Variants in OR13D1 observed in about 807,000 individuals in gnomAD.
OR13D1 encodes the protein olfactory receptor 13D1.
For missense variants in OR13D1, 353 were observed against 371.9 expected, an observed-to-expected ratio of 0.95 and a Z score of 0.42; for synonymous variants, 125 against 140.2, an observed-to-expected ratio of 0.89 and a Z score of 0.76.
Position 104,695,305 on chromosome 9 carries a change from A to C in OR13D1, c.788A>C (p.Lys263Thr). 1 of 1,613,976 alleles carries C rather than the reference A, an allele frequency of 6.2e-7. No homozygotes were observed. Among genetic ancestry groups the C allele is most frequent in the Non-Finnish European group, 8.5e-7 (1 of 1,179,986 alleles). ...GSALFMYMKP[K>T]SKNTNTSDEI... is the part of the protein sequence containing the mutation. ...GCCCTTTTTATGTACATGAAACCCAAGTCAAAGAACACTAATACATCTGAT... is the reference window on the plus strand; with the variant it reads ...GCCCTTTTTATGTACATGAAACCCACGTCAAAGAACACTAATACATCTGAT... Residue 263 changes from lysine to threonine, a missense_variant, in exon 1 of 1, where the codon AAG becomes ACG. Physicochemically the swap from Lys to Thr is moderately conservative, Grantham distance 78. Transcript: ENST00000641530.
Position 104,695,130 on chromosome 9 carries a change from G to C in OR13D1, c.613G>C (p.Val205Leu). Residue 205 changes from valine (V) to leucine (L), a missense_variant, in exon 1 of 1, where the codon GTT (valine) becomes CTT (leucine). Val to Leu is a conservative substitution (Grantham distance 32). Transcript: ENST00000641530. ...GCTTATCATGACAGTGACAAATATT[G>C]TTTCACTGGTGATTCTTCTACTGTT... ...NVLIMTVTNIVSLVILLLLIF... is the reference protein window; with the variant it reads ...NVLIMTVTNILSLVILLLLIF... 1 of 1,612,598 alleles carries C rather than the reference G, an allele frequency of 6.2e-7. No individual in the cohort carries two copies. Among genetic ancestry groups the C allele is most frequent in the Middle Eastern group, 1.7e-4 (1 of 6,060 alleles).
rs143393235 is a variant in OR13D1 at position 104,694,929 on chromosome 9, G to C, written c.412G>C (p.Gly138Arg). ...NPLRYSIIMN[G>R]VLYVQMAAWS... Reference sequence around the variant, plus strand: ...ACTGAGGTACTCCATCATCATGAACGGAGTGCTGTATGTGCAAATGGCTGC... The same window carrying C: ...ACTGAGGTACTCCATCATCATGAACCGAGTGCTGTATGTGCAAATGGCTGC... Residue 138 changes from glycine (G) to arginine (R), a missense_variant, in exon 1 of 1, where the codon GGA becomes CGA. Transcript: ENST00000641530. 1.8e-4 allele frequency: 286 copies of C among 1,613,976 alleles called. No homozygotes were observed. The highest frequency in any genetic ancestry group is 2.4e-4 in the Non-Finnish European group (283 of 1,180,026).
rs771035298 is a variant in OR13D1 at position 104,695,460 on chromosome 9, T to C, written c.943T>C (p.Ter315ArgextTer?). ...LSRHLHLLKM* is the reference protein window; with the variant it reads ...LSRHLHLLKMR ...CAGACATCTGCATTTATTGAAAATG[T>C]GAAAAACCTTGGGCATGCGATATCC... The change falls in exon 1 of 1, where the codon TGA (stop) becomes CGA (arginine). Residue 315 changes from the stop codon to arginine (R), a stop_lost. Transcript: ENST00000641530. 1.3e-6 allele frequency: 2 copies of C among 1,535,762 alleles called. No homozygotes were observed. The highest frequency in any genetic ancestry group is 4.5e-5 in the East Asian group (2 of 44,272).
In OR13D1 at chr9:104,695,251, C is replaced by T. The variant is rs10761073; in HGVS notation, c.734C>T (p.Ser245Leu). 923,807 of 1,612,188 alleles carry T rather than the reference C, an allele frequency of 0.57. 274,679 individuals are homozygous for T. Among genetic ancestry groups the T allele is most frequent in the East Asian group, 1 (44,705 of 44,860 alleles). The change falls in exon 1 of 1, where the codon TCG becomes TTG. Residue 245 changes from serine to leucine, a missense_variant. By Grantham distance (145) the Ser-to-Leu change is moderately radical. Coordinates refer to ENST00000641530, the MANE Select transcript of OR13D1 (RefSeq NM_001004484.2). ...KKAFSTCSAHSIVVILFYGSA... is the reference protein window; with the variant it reads ...KKAFSTCSAHLIVVILFYGSA... ...GCCTTCTCTACCTGTTCAGCGCACT[C>T]GATTGTGGTCATCTTATTCTACGGT...
In OR13D1 at chr9:104,694,882, A is replaced by G. The variant is rs763717160; in HGVS notation, c.365A>G (p.His122Arg). Residue 122 changes from histidine (H) to arginine (R), a missense_variant, in exon 1 of 1, where the codon CAC (histidine) becomes CGC (arginine). By Grantham distance (29) the His-to-Arg change is conservative. Transcript: ENST00000641530. ...CVLLAVMAYD[H>R]YVAICNPLRY... ...CTCCTGGCTGTGATGGCCTATGACCACTATGTGGCCATCTGCAACCCACTG... is the reference window on the plus strand; with the variant it reads ...CTCCTGGCTGTGATGGCCTATGACCGCTATGTGGCCATCTGCAACCCACTG... 59 of 1,613,976 alleles carry G rather than the reference A, an allele frequency of 3.7e-5. No individual in the cohort carries two copies. The highest frequency in any genetic ancestry group is 1.6e-4 in the African/African-American group (12 of 74,918).
At position 104,694,911 on chromosome 9, in the gene OR13D1, T is replaced by A. The variant is rs999832236; in HGVS notation, c.394T>A (p.Tyr132Asn). 31 of 1,614,022 alleles carry A rather than the reference T, an allele frequency of 1.9e-5. No homozygotes were observed. Among genetic ancestry groups the A allele is most frequent in the Non-Finnish European group, 2.6e-5 (31 of 1,179,982 alleles). The change falls in exon 1 of 1, where the codon TAC (tyrosine) becomes AAC (asparagine). Residue 132 changes from tyrosine (Y) to asparagine (N), a missense_variant. Transcript: ENST00000641530. ...HYVAICNPLR[Y>N]SIIMNGVLYV... The stretch of plus-strand genomic sequence containing the variant: ...TGTGGCCATCTGCAACCCACTGAGG[T>A]ACTCCATCATCATGAACGGAGTGCT...
At position 104,695,196 on chromosome 9, in the gene OR13D1, A is replaced by G; in HGVS notation, c.679A>G (p.Arg227Gly). ...TGTGTTTATTCTCTCTTCCATCCTG[A>G]GAATTAATTGTGCTGAGGGAAGAAA... ...SYVFILSSIL[R>G]INCAEGRKKA... The change falls in exon 1 of 1, where the codon AGA becomes GGA. Residue 227 changes from arginine (R) to glycine (G), a missense_variant. Transcript: ENST00000641530. 6.2e-7 allele frequency: 1 copy of G among 1,613,868 alleles called. No homozygotes were observed. Among genetic ancestry groups the G allele is most frequent in the Non-Finnish European group, 8.5e-7 (1 of 1,179,804 alleles).
rs1375597140 is a variant in OR13D1 at position 104,694,701 on chromosome 9, T to C, written c.184T>C (p.Phe62Leu). 1.2e-6 allele frequency: 2 copies of C among 1,614,200 alleles called. No individual in the cohort carries two copies. Among genetic ancestry groups the C allele is most frequent in the Non-Finnish European group, 1.7e-6 (2 of 1,180,024 alleles). The part of the protein sequence containing the change: ...DSRLHTPMYF[F>L]LGNLSFLDIC... ...TCGCCTCCATACTCCCATGTATTTC[T>C]TTCTTGGAAACCTCTCATTCTTGGA... Residue 62 changes from phenylalanine to leucine, a missense_variant, in exon 1 of 1, where the codon TTT becomes CTT. Physicochemically the swap from Phe to Leu is conservative, Grantham distance 22 (BLOSUM62 0). Transcript: ENST00000641530.
chr9:104,695,249 C>T lies in OR13D1; in HGVS notation c.732C>T (p.His244=), dbSNP rs1308414686. ...AAGCCTTCTCTACCTGTTCAGCGCA[C>T]TCGATTGTGGTCATCTTATTCTACG... ...RKKAFSTCSA[H]SIVVILFYGS... The change falls in exon 1 of 1, where the codon CAC becomes CAT. Residue 244 remains histidine, a synonymous_variant. Transcript: ENST00000641530. 1 of 1,613,538 alleles carries T rather than the reference C, an allele frequency of 6.2e-7. No individual in the cohort carries two copies. Among genetic ancestry groups the T allele is most frequent in the Non-Finnish European group, 8.5e-7 (1 of 1,179,640 alleles).
Position 104,695,104 on chromosome 9 carries a change from T to G in OR13D1, c.587T>G (p.Val196Gly). ...GTTTGTTCAGATATCACCATCAATGTGCTTATCATGACAGTGACAAATATT... is the reference window on the plus strand; with the variant it reads ...GTTTGTTCAGATATCACCATCAATGGGCTTATCATGACAGTGACAAATATT... Reference protein sequence around the residue: ...KLVCSDITINVLIMTVTNIVS... With the variant: ...KLVCSDITINGLIMTVTNIVS... Residue 196 changes from valine to glycine, a missense_variant, in exon 1 of 1, where the codon GTG (valine) becomes GGG (glycine). By Grantham distance (109) the Val-to-Gly change is moderately radical. Transcript: ENST00000641530. 1 of 1,613,816 alleles carries G rather than the reference T, an allele frequency of 6.2e-7. No individual in the cohort carries two copies. The highest frequency in any genetic ancestry group is 8.5e-7 in the Non-Finnish European group (1 of 1,179,690).
Position 104,694,777 on chromosome 9 carries a change from C to A in OR13D1, c.260C>A (p.Ser87Tyr), listed in dbSNP as rs1284551483. ...CCTCCAATGCTTATTATATTTATGT[C>A]TGAGAGAAAATCCATCTCCTTCATT... ...SIPPMLIIFM[S>Y]ERKSISFIGC... The change falls in exon 1 of 1, where the codon TCT (serine) becomes TAT (tyrosine). Residue 87 changes from serine (S) to tyrosine (Y), a missense_variant. Physicochemically the swap from Ser to Tyr is moderately radical, Grantham distance 144 (BLOSUM62 -2). Transcript: ENST00000641530. The A allele has an allele frequency of 1.2e-6, 2 of 1,614,082 alleles. No individual in the cohort carries two copies. The highest frequency in any genetic ancestry group is 1.1e-5 in the South Asian group (1 of 91,078).
In OR13D1 at chr9:104,695,269, T is replaced by C. The variant is rs751820373; in HGVS notation, c.752T>C (p.Phe251Ser). The change falls in exon 1 of 1, where the codon TTC becomes TCC. Residue 251 changes from phenylalanine (F) to serine (S), a missense_variant. Coordinates refer to ENST00000641530, the MANE Select transcript of OR13D1 (RefSeq NM_001004484.2). ...GCGCACTCGATTGTGGTCATCTTATTCTACGGTTCAGCCCTTTTTATGTAC... is the reference window on the plus strand; with the variant it reads ...GCGCACTCGATTGTGGTCATCTTATCCTACGGTTCAGCCCTTTTTATGTAC... ...CSAHSIVVIL[F>S]YGSALFMYMK... 1.9e-6 allele frequency: 3 copies of C among 1,613,592 alleles called. No individual in the cohort carries two copies. In the Admixed American group the frequency reaches 5.0e-5, roughly 27 times the overall value.
In OR13D1 at chr9:104,694,863, G is replaced by A; in HGVS notation, c.346G>A (p.Ala116Thr). The A allele has an allele frequency of 6.2e-7, 1 of 1,614,124 alleles. No individual in the cohort carries two copies. Among genetic ancestry groups the A allele is most frequent in the South Asian group, 1.1e-5 (1 of 91,082 alleles). Reference protein sequence around the residue: ...GLGSTECVLLAVMAYDHYVAI... With the variant: ...GLGSTECVLLTVMAYDHYVAI... ...GGGCTCCACTGAGTGTGTCCTCCTG[G>A]CTGTGATGGCCTATGACCACTATGT... is the stretch of plus-strand genomic sequence containing the variant. Residue 116 changes from alanine (A) to threonine (T), a missense_variant, in exon 1 of 1, where the codon GCT (alanine) becomes ACT (threonine). By Grantham distance (58) the Ala-to-Thr change is moderately conservative. Coordinates refer to ENST00000641530, the MANE Select transcript of OR13D1 (RefSeq NM_001004484.2).
At position 104,695,138 on chromosome 9, in the gene OR13D1, G is replaced by T. The variant is rs970580359; in HGVS notation, c.621G>T (p.Leu207=). ...LIMTVTNIVS[L]VILLLLIFIS... ...TGACAGTGACAAATATTGTTTCACT[G>T]GTGATTCTTCTACTGTTAATTTTCA... Residue 207 remains leucine, a synonymous_variant, in exon 1 of 1, where the codon CTG becomes CTT. Coordinates refer to ENST00000641530, the MANE Select transcript of OR13D1 (RefSeq NM_001004484.2). 6.2e-6 allele frequency: 10 copies of T among 1,613,190 alleles called. No individual in the cohort carries two copies. The highest frequency in any genetic ancestry group is 1.3e-5 in the African/African-American group (1 of 74,862).
chr9:104,695,262 A>C lies in OR13D1; in HGVS notation c.745A>C (p.Ile249Leu). Residue 249 changes from isoleucine (I) to leucine (L), a missense_variant, in exon 1 of 1, where the codon ATC (isoleucine) becomes CTC (leucine). Ile to Leu is a conservative substitution (Grantham distance 5). Coordinates refer to ENST00000641530, the MANE Select transcript of OR13D1 (RefSeq NM_001004484.2). ...STCSAHSIVV[I>L]LFYGSALFMY... ...CTGTTCAGCGCACTCGATTGTGGTC[A>C]TCTTATTCTACGGTTCAGCCCTTTT... 1 of 1,613,676 alleles carries C rather than the reference A, an allele frequency of 6.2e-7. No individual in the cohort carries two copies. Among genetic ancestry groups the C allele is most frequent in the Non-Finnish European group, 8.5e-7 (1 of 1,179,856 alleles).
chr9:104,695,275 G>GTGAA lies in OR13D1; in HGVS notation c.759_760insGAAT (p.Ser254GlufsTer16), dbSNP rs113720443. ...TCGATTGTGGTCATCTTATTCTACG[G>GTGAA]TTCAGCCCTTTTTATGTACATGAAA... On this transcript the variant is annotated frameshift_variant, in exon 1 of 1. Coordinates refer to ENST00000641530, the MANE Select transcript of OR13D1 (RefSeq NM_001004484.2). LOFTEE classifies it low-confidence loss of function (END_TRUNC). 4,620 of 1,613,662 alleles carry GTGAA rather than the reference G, an allele frequency of 2.9e-3. 111 individuals are homozygous for GTGAA. In the African/African-American group the frequency reaches 0.049, roughly 17 times the overall value.
chr9:104,695,252 G>T lies in OR13D1; in HGVS notation c.735G>T (p.Ser245=). The T allele has an allele frequency of 6.2e-7, 1 of 1,613,594 alleles. No homozygotes were observed. Among genetic ancestry groups the T allele is most frequent in the African/African-American group, 1.3e-5 (1 of 74,960 alleles). Residue 245 remains serine, a synonymous_variant, in exon 1 of 1, where the codon TCG becomes TCT. Transcript: ENST00000641530. ...CCTTCTCTACCTGTTCAGCGCACTC[G>T]ATTGTGGTCATCTTATTCTACGGTT... ...KKAFSTCSAH[S]IVVILFYGSA...
In OR13D1 at chr9:104,694,848, G is replaced by A. The variant is rs774997249; in HGVS notation, c.331G>A (p.Glu111Lys). The A allele has an allele frequency of 1.4e-5, 22 of 1,614,050 alleles. No individual in the cohort carries two copies. Among genetic ancestry groups the A allele is most frequent in the Admixed American group, 1.7e-5 (1 of 59,996 alleles). ...MVVSLGLGSTECVLLAVMAYD... is the reference protein window; with the variant it reads ...MVVSLGLGSTKCVLLAVMAYD... ...TGTGTCCCTTGGCTTGGGCTCCACT[G>A]AGTGTGTCCTCCTGGCTGTGATGGC... The change falls in exon 1 of 1, where the codon GAG becomes AAG. Residue 111 changes from glutamate to lysine, a missense_variant. Transcript: ENST00000641530.
rs56017313 is a variant in OR13D1 at position 104,694,647 on chromosome 9, C to T, written c.130C>T (p.Leu44Phe). The T allele has an allele frequency of 1.7e-3, 2,818 of 1,613,838 alleles. 5 individuals are homozygous for T. The highest frequency in any genetic ancestry group is 2.3e-3 in the Non-Finnish European group (2,679 of 1,179,744). ...MYMIILLGNSLLIIITILDSR... is the reference protein window; with the variant it reads ...MYMIILLGNSFLIIITILDSR... ...CATGATAATCCTCCTGGGAAATAGCCTCCTCATTATCATCACCATCTTGGA... is the reference window on the plus strand; with the variant it reads ...CATGATAATCCTCCTGGGAAATAGCTTCCTCATTATCATCACCATCTTGGA... The change falls in exon 1 of 1, where the codon CTC becomes TTC. Residue 44 changes from leucine to phenylalanine, a missense_variant. Leu to Phe is a conservative substitution (Grantham distance 22). Transcript: ENST00000641530.
Sources: allele counts gnomAD v4.1 joint callset, GRCh38; gene constraint gnomAD v4.1.1; transcripts MANE v1.5; gene names NCBI Gene and HGNC (gene_info 2026-07-23, HGNC 2026-07-21).